Variants in TBC1D22A observed in about 807,000 individuals in gnomAD.
TBC1D22A encodes the protein putative GTPase activator.
Under a neutral mutation model 60.2 loss-of-function variants are expected in TBC1D22A, and 38 were observed. The observed-to-expected ratio is 0.63, with a 90% confidence interval of 0.49 to 0.83. The LOEUF is 0.83. Among genes scored for constraint, TBC1D22A ranks in the 40% least tolerant of loss-of-function variants. The pLI is 0.00. For synonymous variants in TBC1D22A, 302 were observed against 281.7 expected (o/e 1.07, Z -0.72); for missense variants, 628 against 701.0 (o/e 0.90, Z 1.18).
chr22:47,167,520 T>G (rs574916995), intron 12 of TBC1D22A, among the ~76,000 whole-genome samples: 19 of 152,326 alleles, frequency 1.2e-4, no homozygotes, highest in African/African-American at 4.6e-4. Context: ...ACAGCTCTTT[T>G]GCTCTCGCAG....
chr22:46,945,373 C>T (rs1035959777), intron 8 of TBC1D22A, among the ~76,000 whole-genome samples: 12 of 152,292 alleles, frequency 7.9e-5, no homozygotes, highest in African/African-American at 2.6e-4. Context: ...CGGCAGCTGA[C>T]GTTTATTTAG....
At chr22:47,090,330 G>GT (rs537036269) in intron 11 of TBC1D22A, among the ~76,000 whole-genome samples, 11,237 of 152,284 alleles carry the variant, frequency 0.074, 453 homozygotes, top group Admixed American at 0.14. Flanking sequence ...AGCCCAGGGA[G>GT]CGCTCAGACA....
intron 10 of TBC1D22A, among the ~76,000 whole-genome samples, chr22:47,001,134 G>A (rs140859918): frequency 6.6e-6 from 1 of 152,232 alleles, no homozygotes; most frequent in African/African-American, 2.4e-5. Flanking sequence ...CAAAGTGGAC[G>A]TGATACTCCC....
chr22:46,853,274 A>G (rs2087383223), intron 4 of TBC1D22A, among the ~76,000 whole-genome samples: 1 of 152,172 alleles, frequency 6.6e-6, no homozygotes, highest in Non-Finnish European at 1.5e-5. Flanking sequence ...GTGGTGGGGC[A>G]GGGGTGACAG....
At chr22:46,912,030 C>G (rs368455421) in intron 7 of TBC1D22A, 44 bp from the exon 8 acceptor site, 1 of 1,352,334 alleles carries the variant, frequency 7.4e-7, no homozygotes, top group South Asian at 1.2e-5. Context: ...AAAGTTTCTG[C>G]CATGTTTACT....
intron 7 of TBC1D22A, among the ~76,000 whole-genome samples, chr22:46,905,226 A>G (rs770174264): frequency 1.3e-5 from 2 of 152,002 alleles, no homozygotes; most frequent in Non-Finnish European, 2.9e-5. Context: ...TCAAAACACC[A>G]GCATAACTCA....
chr22:46,925,589 T>C (rs2071003278), intron 8 of TBC1D22A, among the ~76,000 whole-genome samples: 1 of 152,282 alleles, frequency 6.6e-6, no homozygotes, highest in South Asian at 2.1e-4. Context: ...GGCTAATTTT[T>C]TTCTGGCCTT....
chr22:46,771,460 G>C (rs2083475090), intron 1 of TBC1D22A, among the ~76,000 whole-genome samples: 1 of 152,046 alleles, frequency 6.6e-6, no homozygotes, highest in South Asian at 2.1e-4. Flanking sequence ...AGTGTATACT[G>C]AACAGTGCAC....
chr22:47,127,408 T>G (rs899971517), intron 12 of TBC1D22A, among the ~76,000 whole-genome samples: 3 of 148,940 alleles, frequency 2.0e-5, no homozygotes, highest in African/African-American at 7.4e-5. Flanking sequence ...TTTTTTTTTT[T>G]TTTTGTATTT....
chr22:47,163,214 A>G (rs895906620), intron 12 of TBC1D22A, among the ~76,000 whole-genome samples: 3 of 151,876 alleles, frequency 2.0e-5, no homozygotes, highest in Admixed American at 2.0e-4. Flanking sequence ...ATGGCCATCG[A>G]AGGCTTGGGA....
At chr22:46,792,155 T>G (rs1265217863) in intron 1 of TBC1D22A, among the ~76,000 whole-genome samples, 1 of 152,270 alleles carries the variant, frequency 6.6e-6, no homozygotes, top group African/African-American at 2.4e-5. Context: ...GGTGGGCGTT[T>G]CTTCGAGTTT....
intron 11 of TBC1D22A, among the ~76,000 whole-genome samples, chr22:47,065,895 C>T (rs1347631717): frequency 6.6e-6 from 1 of 152,134 alleles, no homozygotes; most frequent in Non-Finnish European, 1.5e-5. Context: ...AATGCAGTGT[C>T]CCCCTGGGAA....
chr22:47,101,306 C>A (rs1326463334), intron 11 of TBC1D22A, among the ~76,000 whole-genome samples: 1 of 152,198 alleles, frequency 6.6e-6, no homozygotes, highest in Admixed American at 6.5e-5. Flanking sequence ...CTGGAAGTGT[C>A]CCCCTGCCCC....
rs573626941 is a variant in TBC1D22A at position 47,102,018 on chromosome 22, C to T, written c.1330-9490C>T. 2.8e-4 allele frequency among the ~76,000 whole-genome samples: 43 copies of T among 152,280 alleles called. 1 individual carries two copies. The highest frequency in any genetic ancestry group is 2.3e-3 in the Admixed American group (35 of 15,300). ...TGCTGGGAGAAGAAGGGAGAGCTTA[C>T]GGTTTCGCAGGTGACCAGCTCAAGA... On this transcript the variant is annotated intron_variant, in intron 11 of 12. Coordinates refer to ENST00000337137, the MANE Select transcript of TBC1D22A (RefSeq NM_014346.5).
At chr22:46,942,725 C>G (rs181018911) in intron 8 of TBC1D22A, among the ~76,000 whole-genome samples, 3 of 152,114 alleles carry the variant, frequency 2.0e-5, no homozygotes, top group South Asian at 4.1e-4. Flanking sequence ...CAGGCCTCCC[C>G]GAGGGATCCT....
chr22:46,856,958 A>G (rs912280072), intron 4 of TBC1D22A, among the ~76,000 whole-genome samples: 1 of 152,228 alleles, frequency 6.6e-6, no homozygotes, highest in Non-Finnish European at 1.5e-5. Context: ...AGCTAGAGGC[A>G]TCTCTCCCCA....
chr22:47,037,935 G>C (rs986956637), intron 11 of TBC1D22A, among the ~76,000 whole-genome samples: 1 of 152,152 alleles, frequency 6.6e-6, no homozygotes, highest in Non-Finnish European at 1.5e-5. Flanking sequence ...AAAAATCACA[G>C]ATTCAGTGTG....
chr22:46,793,440 C>G, intron 2 of TBC1D22A, 61 bp from the exon 3 acceptor site: 11 of 1,544,300 alleles, frequency 7.1e-6, no homozygotes, highest in Non-Finnish European at 9.8e-6. Flanking sequence ...GAATTCTTTC[C>G]TGGCTGGTTT....
chr22:46,770,424 C>T (rs2083444705), intron 1 of TBC1D22A, among the ~76,000 whole-genome samples: 1 of 152,238 alleles, frequency 6.6e-6, no homozygotes, highest in South Asian at 2.1e-4. Flanking sequence ...ACCTTCAGAA[C>T]TTCGAGATAG....
Sources: allele counts gnomAD v4.1 joint callset (sites outside exome capture counted in the v4.1 genomes callset), GRCh38; gene constraint gnomAD v4.1.1; transcripts MANE v1.5; gene names NCBI Gene and HGNC (gene_info 2026-07-23, HGNC 2026-07-21).